Variants in CATSPERT observed in about 807,000 individuals in gnomAD.
CATSPERT encodes the protein catsper channel auxiliary subunit tau, also known as cation channel sperm-associated targeting subunit tau.
chr2:201,589,616 A>G, the CATSPERT span, among the ~76,000 whole-genome samples: 8 of 152,306 alleles, frequency 5.3e-5, no homozygotes, highest in East Asian at 1.5e-3. Flanking sequence ...AAGATTGATT[A>G]AATATTTAAA....
the CATSPERT span, among the ~76,000 whole-genome samples, chr2:201,525,687 C>A: frequency 6.6e-6 from 1 of 152,076 alleles, no homozygotes; most frequent in East Asian, 1.9e-4. Context: ...AAAGTTGGTT[C>A]TTTGAAAATA....
the CATSPERT span, chr2:201,493,961 C>T: frequency 1.3e-6 from 2 of 1,536,450 alleles, no homozygotes; most frequent in Non-Finnish European, 1.7e-6. Flanking sequence ...ATTATCTGAC[C>T]CCCTTCTGAA....
chr2:201,575,299 C>T, the CATSPERT span: 2 of 1,592,920 alleles, frequency 1.3e-6, no homozygotes, highest in South Asian at 2.4e-5. Flanking sequence ...CCATGCAACA[C>T]TTGGACCTCT....
At chr2:201,514,048 A>G in the CATSPERT span, among the ~76,000 whole-genome samples, 1 of 152,204 alleles carries the variant, frequency 6.6e-6, no homozygotes, top group Admixed American at 6.5e-5. Context: ...TTAAAGCAGT[A>G]CTTAGAAATT....
chr2:201,616,935 T>C, the CATSPERT span, among the ~76,000 whole-genome samples: 16 of 152,168 alleles, frequency 1.1e-4, no homozygotes, highest in East Asian at 2.7e-3. Context: ...GAGAGCCAAA[T>C]CATGAGGGAA....
chr2:201,508,311 A>C, the CATSPERT span, among the ~76,000 whole-genome samples: 99 of 152,342 alleles, frequency 6.5e-4, no homozygotes, highest in African/African-American at 2.3e-3. Flanking sequence ...TAGGTACAAG[A>C]AACTGTTTAA....
chr2:201,535,052 C>T, the CATSPERT span: 1 of 810,218 alleles, frequency 1.2e-6, no homozygotes, highest in South Asian at 5.6e-5. Flanking sequence ...TTTTCTTTTA[C>T]ATTTCTCTCC....
At chr2:201,609,964 T>G in the CATSPERT span, among the ~76,000 whole-genome samples, 1 of 151,348 alleles carries the variant, frequency 6.6e-6, no homozygotes, top group Non-Finnish European at 1.5e-5. Context: ...AACTCAGAAA[T>G]GAAAAAGGAA....
At chr2:201,494,138 A>C in the CATSPERT span, 2 of 1,533,428 alleles carry the variant, frequency 1.3e-6, no homozygotes, top group Middle Eastern at 3.3e-4. Flanking sequence ...TCTGAAAGCC[A>C]GTTGTTTAAA....
At chr2:201,547,498 C>T in the CATSPERT span, 2 of 1,429,100 alleles carry the variant, frequency 1.4e-6, no homozygotes, top group South Asian at 1.2e-5. Flanking sequence ...TGTATTATGT[C>T]AATTACCTCA....
At chr2:201,495,934 A>G in the CATSPERT span, 2 of 1,599,792 alleles carry the variant, frequency 1.3e-6, no homozygotes, top group Non-Finnish European at 8.5e-7. Flanking sequence ...CTGGTCTGAA[A>G]GATGGTGAAT....
the CATSPERT span, among the ~76,000 whole-genome samples, chr2:201,524,584 C>CT: frequency 6.6e-6 from 1 of 152,148 alleles, no homozygotes; most frequent in Non-Finnish European, 1.5e-5. Context: ...CAACAACCAG[C>CT]TAACAACATG....
the CATSPERT span, chr2:201,491,977 T>C: frequency 2.0e-6 from 3 of 1,537,124 alleles, no homozygotes; most frequent in East Asian, 2.4e-5. Context: ...GATATTTTCA[T>C]TGGAAGAAGG....
the CATSPERT span, among the ~76,000 whole-genome samples, chr2:201,592,237 A>G: frequency 1.4e-3 from 209 of 151,640 alleles, 1 homozygote; most frequent in African/African-American, 4.6e-3. Flanking sequence ...TATTGAGATA[A>G]TCATGTGGTT....
chr2:201,581,595 C>CAA, the CATSPERT span, among the ~76,000 whole-genome samples: 5 of 17,778 alleles, frequency 2.8e-4, no homozygotes, highest in South Asian at 7.0e-3. Context: ...TATATATATA[C>CAA]ACATACATAT....
the CATSPERT span, among the ~76,000 whole-genome samples, chr2:201,526,091 G>GAT: frequency 6.6e-6 from 1 of 152,156 alleles, no homozygotes; most frequent in African/African-American, 2.4e-5. Flanking sequence ...TTAAGAAGGA[G>GAT]ATAGTCTTCT....
At chr2:201,596,973 G>A in the CATSPERT span, among the ~76,000 whole-genome samples, 3 of 152,140 alleles carry the variant, frequency 2.0e-5, no homozygotes, top group Admixed American at 1.3e-4. Flanking sequence ...TCTATTGACT[G>A]CTTTTATCCC....
At chr2:201,596,799 T>G in the CATSPERT span, among the ~76,000 whole-genome samples, 1 of 152,236 alleles carries the variant, frequency 6.6e-6, no homozygotes, top group Admixed American at 6.5e-5. Flanking sequence ...AATACTGTAT[T>G]TTTTAGATCT....
At chr2:201,515,203 T>C in the CATSPERT span, among the ~76,000 whole-genome samples, 14 of 2,624 alleles carry the variant, frequency 5.3e-3, 2 homozygotes, top group African/African-American at 0.023. Flanking sequence ...CTGCCCATAG[T>C]TTTTTTTTTT....
Sources: allele counts gnomAD v4.1 joint callset (sites outside exome capture counted in the v4.1 genomes callset), GRCh38; gene constraint gnomAD v4.1.1; transcripts MANE v1.5; gene names NCBI Gene and HGNC (gene_info 2026-07-23, HGNC 2026-07-21).